The following THSD7A variants were observed in gnomAD, a reference collection of about 807,000 sequenced individuals.
THSD7A encodes thrombospondin type-1 domain-containing protein 7A.
A neutral mutation model predicts 231.3 loss-of-function variants in THSD7A; 96 were observed. That is an observed-to-expected ratio of 0.41 (90% CI 0.35 to 0.49). THSD7A has a LOEUF of 0.49. Ranked by LOEUF, THSD7A falls within the 20% of genes least tolerant of loss-of-function variation. The probability of loss-of-function intolerance (pLI) is 0.05; values close to 1 mark genes in which losing one functional copy is unlikely to be tolerated. For missense variants in THSD7A, 2,290 were observed against 2,070.2 expected (o/e 1.11, Z -2.06); for synonymous variants, 940 against 743.3 (o/e 1.26, Z -4.30).
At chr7:11,466,976 G>T (rs985718218) in intron 9 of THSD7A, among the ~76,000 whole-genome samples, 6 of 151,876 alleles carry the variant, frequency 4.0e-5, no homozygotes, top group African/African-American at 1.5e-4. Flanking sequence ...ATCATCACCC[G>T]GACCCACAGC....
chr7:11,599,799 G>A (rs1330845264), intron 2 of THSD7A, among the ~76,000 whole-genome samples: 1 of 151,944 alleles, frequency 6.6e-6, no homozygotes, highest in African/African-American at 2.4e-5. Context: ...TGCTGGGTGT[G>A]TCTGTGAGGG....
intron 1 of THSD7A, among the ~76,000 whole-genome samples, chr7:11,819,612 C>T (rs909206507): frequency 6.6e-6 from 1 of 152,050 alleles, no homozygotes; most frequent in Non-Finnish European, 1.5e-5. Flanking sequence ...CTCCAAAAAG[C>T]ACAAATATGG....
At chr7:11,647,511 C>G (rs1180004155) in intron 1 of THSD7A, among the ~76,000 whole-genome samples, 2 of 152,022 alleles carry the variant, frequency 1.3e-5, no homozygotes, top group African/African-American at 2.4e-5. Flanking sequence ...ATTAGAAGAG[C>G]TGCTTTTGGG....
intron 4 of THSD7A, among the ~76,000 whole-genome samples, chr7:11,586,643 T>C (rs1424094540): frequency 6.6e-6 from 1 of 152,224 alleles, no homozygotes; most frequent in Non-Finnish European, 1.5e-5. Context: ...AAAAGCTTTT[T>C]CTAAAGTGGG....
chr7:11,580,197 A>G (rs1437515249), intron 4 of THSD7A, among the ~76,000 whole-genome samples: 1 of 152,218 alleles, frequency 6.6e-6, no homozygotes, highest in Non-Finnish European at 1.5e-5. Context: ...TTCAGGACCT[A>G]CAGAATTACA....
At chr7:11,470,759 T>C (rs1436138609) in intron 8 of THSD7A, among the ~76,000 whole-genome samples, 1 of 151,860 alleles carries the variant, frequency 6.6e-6, no homozygotes, top group Non-Finnish European at 1.5e-5. Flanking sequence ...ACTAAAATAC[T>C]GTATTTTTGA....
At position 11,831,652 on chromosome 7, in the gene THSD7A, A is replaced by G. The variant is rs1314407084; in HGVS notation, c.190+105T>C. On this transcript the variant is annotated intron_variant, in intron 1 of 27. Transcript: ENST00000423059. This position sits in a 1 kb window ranked among gnomAD's most constrained non-coding sequence, Gnocchi z 5.0. ...ATACTTTTTACCTTAGGATACCAGC[A>G]TAACCAAGCCATCCAAAAGCACCGG... is the stretch of plus-strand genomic sequence containing the variant. 1.3e-6 allele frequency: 1 copy of G among 771,564 alleles called. No homozygotes were observed. The highest frequency in any genetic ancestry group is 1.8e-6 in the Non-Finnish European group (1 of 565,812). The allele number at this position is 771,564 out of a possible 1,614,324, so 47.8% of individuals were successfully genotyped here.
chr7:11,395,759 C>T (rs1783161291), intron 23 of THSD7A, among the ~76,000 whole-genome samples: 1 of 152,226 alleles, frequency 6.6e-6, no homozygotes, highest in South Asian at 2.1e-4. Flanking sequence ...AACTACCGAC[C>T]TTGTAATCCG....
intron 1 of THSD7A, among the ~76,000 whole-genome samples, chr7:11,716,470 C>T (rs761862006): frequency 1.1e-4 from 16 of 151,758 alleles, no homozygotes; most frequent in Middle Eastern, 3.4e-3. Flanking sequence ...CATCCACATT[C>T]CTTTAAGCCA....
chr7:11,376,031 T>C (rs1782258931), intron 27 of THSD7A, among the ~76,000 whole-genome samples, 153 bp from the exon 28 acceptor site: 1 of 152,118 alleles, frequency 6.6e-6, no homozygotes. Flanking sequence ...AATTTGATTT[T>C]CTGATCTTGA....
intron 4 of THSD7A, among the ~76,000 whole-genome samples, chr7:11,544,328 G>A (rs901994020): frequency 7.2e-5 from 11 of 151,766 alleles, no homozygotes; most frequent in African/African-American, 2.7e-4. Flanking sequence ...GCAACAGAGC[G>A]AGACACAGTC....
At chr7:11,778,412 T>C (rs1783509149) in intron 1 of THSD7A, among the ~76,000 whole-genome samples, 1 of 152,102 alleles carries the variant, frequency 6.6e-6, no homozygotes, top group Admixed American at 6.6e-5. Context: ...TCTTTAGTGG[T>C]TATCCATATT....
intron 6 of THSD7A, among the ~76,000 whole-genome samples, chr7:11,526,736 C>A (rs777247887): frequency 6.6e-6 from 1 of 152,174 alleles, no homozygotes; most frequent in Non-Finnish European, 1.5e-5. Flanking sequence ...GTAAGACATG[C>A]CTTGCTTCCC....
chr7:11,407,267 T>G, intron 20 of THSD7A, 39 bp downstream of exon 20: 1 of 1,539,206 alleles, frequency 6.5e-7, no homozygotes, highest in Non-Finnish European at 8.9e-7. Flanking sequence ...TTCATATTCC[T>G]TGACCAGTAG....
intron 23 of THSD7A, among the ~76,000 whole-genome samples, chr7:11,392,345 G>A (rs182466111): frequency 9.2e-5 from 14 of 152,178 alleles, no homozygotes; most frequent in African/African-American, 2.9e-4. Flanking sequence ...GGTGCATTCC[G>A]GCCCAGATAC....
At chr7:11,756,975 A>G (rs1206006873) in intron 1 of THSD7A, among the ~76,000 whole-genome samples, 1 of 151,814 alleles carries the variant, frequency 6.6e-6, no homozygotes, top group Non-Finnish European at 1.5e-5. Flanking sequence ...GATTTTATTC[A>G]TCTCTGGTGT....
chr7:11,704,349 G>A (rs1185306414), intron 1 of THSD7A, among the ~76,000 whole-genome samples: 2 of 150,900 alleles, frequency 1.3e-5, no homozygotes, highest in East Asian at 2.0e-4. Flanking sequence ...TATATATACT[G>A]AAATATTTCT....
intron 1 of THSD7A, among the ~76,000 whole-genome samples, chr7:11,668,989 A>G (rs1448206431): frequency 6.6e-6 from 1 of 152,178 alleles, no homozygotes; most frequent in African/African-American, 2.4e-5. Context: ...GCTGTTGGCT[A>G]TTACATGGTA....
chr7:11,772,507 T>C lies in THSD7A; in HGVS notation c.190+59250A>G, dbSNP rs140261718. On this transcript the variant is annotated intron_variant, in intron 1 of 27. Transcript: ENST00000423059. ...TCAACACTGGCTTGGATAAAGAAAA[T>C]GTGGTACATATACACCATGAAATAC... Among the ~76,000 whole-genome samples, 1,006 of 152,106 alleles carry C rather than the reference T, an allele frequency of 6.6e-3. 6 individuals carry two copies. Among genetic ancestry groups the C allele is most frequent in the Admixed American group, 0.012 (182 of 15,278 alleles).
Sources: allele counts gnomAD v4.1 joint callset (sites outside exome capture counted in the v4.1 genomes callset), GRCh38; gene constraint gnomAD v4.1.1; non-coding constraint Gnocchi (gnomAD v3.1); transcripts MANE v1.5; gene names NCBI Gene and HGNC (gene_info 2026-07-23, HGNC 2026-07-21).